COG6: variants seen among roughly 807,000 people sequenced by gnomAD.
COG6 encodes conserved oligomeric Golgi complex subunit 6.
A neutral mutation model predicts 88.8 loss-of-function variants in COG6; 74 were observed. That is an observed-to-expected ratio of 0.83 (90% CI 0.69 to 1.01). The LOEUF is 1.01. COG6 is among the 50% of genes least tolerant of loss of function. COG6 has a pLI of 0.00. For missense variants in COG6, 800 were observed against 797.9 expected, an observed-to-expected ratio of 1.00 and a Z score of -0.03; for synonymous variants, 286 against 278.7, an observed-to-expected ratio of 1.03 and a Z score of -0.26.
At chr13:39,676,419 A>T (rs1033875992) in intron 4 of COG6, among the ~76,000 whole-genome samples, 3 of 152,186 alleles carry the variant, frequency 2.0e-5, no homozygotes, top group African/African-American at 7.2e-5. Context: ...TATCAATAAT[A>T]AGATGATTAA....
chr13:39,764,036 A>G (rs1881097586), intron 18 of COG6, among the ~76,000 whole-genome samples: 1 of 151,824 alleles, frequency 6.6e-6, no homozygotes. Flanking sequence ...AAACCTGGAG[A>G]TGCCTTTGTG....
intron 18 of COG6, among the ~76,000 whole-genome samples, chr13:39,777,203 A>G (rs1165603914): frequency 1.3e-5 from 2 of 152,158 alleles, no homozygotes; most frequent in Non-Finnish European, 2.9e-5. Context: ...ATAAGCATTC[A>G]AATAGATAGT....
intron 11 of COG6, among the ~76,000 whole-genome samples, 174 bp downstream of exon 11, chr13:39,689,998 C>T (rs1208658532): frequency 1.3e-5 from 2 of 151,828 alleles, no homozygotes; most frequent in Admixed American, 1.3e-4. Flanking sequence ...AGTTTTCTCT[C>T]TGAGAAAGAA....
intron 3 of COG6, among the ~76,000 whole-genome samples, chr13:39,662,916 C>T (rs189142750): frequency 6.7e-4 from 101 of 151,798 alleles, no homozygotes; most frequent in African/African-American, 2.3e-3. Flanking sequence ...CCTCACTTTC[C>T]CTTTTTCTTA....
rs376759616 is a variant in COG6, at chr13:39,709,169, C to T, written c.1284+9551C>T. Reference sequence around the variant, plus strand: ...TTACGGCACAGTCAACGTAGATTAACCTGCCCTAGGTCACATAGTCACTAA... The same window carrying T: ...TTACGGCACAGTCAACGTAGATTAATCTGCCCTAGGTCACATAGTCACTAA... On this transcript the variant is annotated intron_variant, in intron 13 of 18. Coordinates refer to ENST00000455146, the MANE Select transcript of COG6 (RefSeq NM_020751.3). 9.9e-4 allele frequency among the ~76,000 whole-genome samples: 151 copies of T among 152,222 alleles called. 4 individuals carry two copies. The South Asian group carries it at 0.029, about 30-fold the overall frequency.
At chr13:39,760,382 T>A (rs1199183622) in intron 18 of COG6, among the ~76,000 whole-genome samples, 1 of 152,132 alleles carries the variant, frequency 6.6e-6, no homozygotes, top group Non-Finnish European at 1.5e-5. Flanking sequence ...AATTGCAGAC[T>A]AGGAATTTTT....
At chr13:39,774,168 A>G (rs1488208748) in intron 18 of COG6, among the ~76,000 whole-genome samples, 1 of 152,202 alleles carries the variant, frequency 6.6e-6, no homozygotes, top group Non-Finnish European at 1.5e-5. Flanking sequence ...AGGAAACCTT[A>G]GTCTTGACTT....
rs1273209239 is a variant in COG6 at position 39,752,144 on chromosome 13, C to T, written c.*1051C>T. On this transcript the variant is annotated 3_prime_UTR_variant, in exon 19 of 19. Coordinates refer to ENST00000455146, the MANE Select transcript of COG6 (RefSeq NM_020751.3). ...AGTGTGCCTGATTTGACATTCTTGT[C>T]AGCAAAAAAAAACTTAATTTCTAGT... 4 of 1,188,922 alleles carry T rather than the reference C, an allele frequency of 3.4e-6. No individual in the cohort carries two copies. The highest frequency in any genetic ancestry group is 4.3e-6 in the Non-Finnish European group (4 of 937,116). 73.6% of individuals were successfully genotyped at this position (1,188,922 alleles called of 1,614,324 possible). A position where few individuals can be genotyped will look rare whatever the true frequency, so the allele number is the denominator to read the frequency against.
chr13:39,699,985 T>G (rs1877487433), intron 13 of COG6, among the ~76,000 whole-genome samples: 1 of 151,830 alleles, frequency 6.6e-6, no homozygotes, highest in Admixed American at 6.6e-5. Flanking sequence ...CAGCTTATAT[T>G]TTTACCCCTG....
At chr13:39,772,251 T>G (rs542246318) in intron 18 of COG6, among the ~76,000 whole-genome samples, 14 of 152,330 alleles carry the variant, frequency 9.2e-5, no homozygotes, top group South Asian at 8.3e-4. Context: ...TTTCCTGATT[T>G]CCTCTCCTGA....
At chr13:39,712,900 A>G (rs765961081) in intron 13 of COG6, among the ~76,000 whole-genome samples, 4 of 152,326 alleles carry the variant, frequency 2.6e-5, no homozygotes, top group South Asian at 2.1e-4. Flanking sequence ...TTACAACTCT[A>G]GTTAAGATTT....
At chr13:39,659,805 A>G (rs542025571) in intron 2 of COG6, among the ~76,000 whole-genome samples, 3 of 152,204 alleles carry the variant, frequency 2.0e-5, no homozygotes, top group Non-Finnish European at 4.4e-5. Flanking sequence ...GCTTTCCAAT[A>G]GAAATATCCC....
At chr13:39,676,177 C>T (rs978126565) in intron 4 of COG6, among the ~76,000 whole-genome samples, 2 of 152,044 alleles carry the variant, frequency 1.3e-5, no homozygotes, top group South Asian at 4.1e-4. Context: ...TTCCTGTCCC[C>T]TTCTCCCCAC....
intron 18 of COG6, among the ~76,000 whole-genome samples, chr13:39,776,647 A>G (rs1881472195): frequency 6.6e-6 from 1 of 152,232 alleles, no homozygotes; most frequent in Admixed American, 6.5e-5. Context: ...GAAATTGAAG[A>G]TGAAAAAAGC....
intron 18 of COG6, among the ~76,000 whole-genome samples, chr13:39,775,771 T>A (rs1327961095): frequency 7.9e-5 from 11 of 139,622 alleles, no homozygotes; most frequent in South Asian, 6.6e-4. Flanking sequence ...ACATCTGAAA[T>A]TTTTTTTTTT....
At chr13:39,784,518 A>C (rs1015834726) in intron 18 of COG6, among the ~76,000 whole-genome samples, 2 of 152,226 alleles carry the variant, frequency 1.3e-5, no homozygotes, top group Admixed American at 1.3e-4. Flanking sequence ...CATAGTTTAG[A>C]ACACAGTAGA....
chr13:39,712,148 A>G (rs1334467216), intron 13 of COG6, among the ~76,000 whole-genome samples: 1 of 151,974 alleles, frequency 6.6e-6, no homozygotes, highest in Non-Finnish European at 1.5e-5. Context: ...GTGAGTCACC[A>G]TGCCCAGCCC....
At chr13:39,675,355 A>G (rs911971636) in intron 4 of COG6, among the ~76,000 whole-genome samples, 24 of 152,278 alleles carry the variant, frequency 1.6e-4, no homozygotes, top group African/African-American at 5.3e-4. Flanking sequence ...TCCCAAACCA[A>G]ATCACTGGAC....
At chr13:39,764,203 T>C (rs928323772) in intron 18 of COG6, among the ~76,000 whole-genome samples, 1 of 151,934 alleles carries the variant, frequency 6.6e-6, no homozygotes, top group African/African-American at 2.4e-5. Context: ...ATTTTAGTTT[T>C]TTAAGGTCTG....
Sources: allele counts gnomAD v4.1 joint callset (sites outside exome capture counted in the v4.1 genomes callset), GRCh38; gene constraint gnomAD v4.1.1; transcripts MANE v1.5; gene names NCBI Gene and HGNC (gene_info 2026-07-23, HGNC 2026-07-21).